Variants in HTR1F observed in about 807,000 individuals in gnomAD.
HTR1F encodes the protein 5-hydroxytryptamine (serotonin) receptor 1F, G protein-coupled.
HTR1F carries 17 observed loss-of-function variants against 24.0 expected under a neutral mutation model. That is an observed-to-expected ratio of 0.71 (90% CI 0.48 to 1.06). HTR1F has a LOEUF of 1.06. HTR1F is among the 50% of genes least tolerant of loss of function. HTR1F has a pLI of 0.00. For synonymous variants in HTR1F, 186 were observed against 156.8 expected (o/e 1.19, Z -1.39); for missense variants, 391 against 427.8 (o/e 0.91, Z 0.76).
chr3:87,845,773 AAAC>A lies in HTR1F; in HGVS notation c.-43+23658_-43+23660del, dbSNP rs1029511039. ...CCACACCAAAGTAAACAAACTGACAAAACAACAACAAAAACTCGCTATTACCAT... is the reference window on the plus strand; with the variant it reads ...CCACACCAAAGTAAACAAACTGACAAAACAACAAAAACTCGCTATTACCAT... On this transcript the variant is annotated intron_variant, in intron 2 of 2. Coordinates refer to ENST00000319595, the MANE Select transcript of HTR1F (RefSeq NM_001322209.2). Among the ~76,000 whole-genome samples the A allele has an allele frequency of 7.2e-5, 11 of 151,986 alleles. 1 individual carries two copies. The highest frequency in any genetic ancestry group is 1.2e-4 in the Non-Finnish European group (8 of 68,028).
intron 2 of HTR1F, among the ~76,000 whole-genome samples, chr3:87,959,349 A>G (rs1442367646): frequency 2.0e-5 from 3 of 151,832 alleles, no homozygotes; most frequent in South Asian, 2.1e-4. Context: ...ATAATATCCA[A>G]ATTCTCCCTT....
At chr3:87,834,328 C>T (rs866572082) in intron 2 of HTR1F, among the ~76,000 whole-genome samples, 21 of 151,730 alleles carry the variant, frequency 1.4e-4, no homozygotes, top group African/African-American at 5.1e-4. Context: ...TATATATGCG[C>T]ACAAATACTC....
At chr3:87,952,785 C>A (rs1200184356) in intron 2 of HTR1F, among the ~76,000 whole-genome samples, 2 of 151,804 alleles carry the variant, frequency 1.3e-5, no homozygotes, top group Non-Finnish European at 2.9e-5. Flanking sequence ...TGGTCACCCA[C>A]CACATCCCTT....
chr3:87,993,598 C>T lies in HTR1F; in HGVS notation c.*1748C>T, dbSNP rs1041009429. On this transcript the variant is annotated 3_prime_UTR_variant, in exon 3 of 3. Transcript: ENST00000319595. ...AAGAGCACACTCCAGGTTGTGACAA[C>T]ATCAGGATACAAACTGCACCATGCA... 1.8e-5 allele frequency: 3 copies of T among 166,916 alleles called. No individual in the cohort carries two copies. The highest frequency in any genetic ancestry group is 7.2e-5 in the African/African-American group (3 of 41,402). 10.3% of individuals were successfully genotyped at this position (166,916 alleles called of 1,614,324 possible).
chr3:87,846,401 C>A (rs1704945165), intron 2 of HTR1F, among the ~76,000 whole-genome samples: 2 of 151,664 alleles, frequency 1.3e-5, no homozygotes, highest in African/African-American at 2.4e-5. Flanking sequence ...TGTGCCACTG[C>A]ACTCCACCCT....
At chr3:87,863,240 G>A (rs1356824666) in intron 2 of HTR1F, among the ~76,000 whole-genome samples, 1 of 152,178 alleles carries the variant, frequency 6.6e-6, no homozygotes, top group Non-Finnish European at 1.5e-5. Flanking sequence ...GGGGGGTTTT[G>A]TTGGTTTGTT....
intron 2 of HTR1F, among the ~76,000 whole-genome samples, chr3:87,828,107 G>T (rs1704502174): frequency 6.6e-6 from 1 of 152,138 alleles, no homozygotes; most frequent in Non-Finnish European, 1.5e-5. Flanking sequence ...TCTGTGATGT[G>T]TTTATATTAT....
chr3:87,843,785 T>A (rs1348116134), intron 2 of HTR1F, among the ~76,000 whole-genome samples: 1 of 151,416 alleles, frequency 6.6e-6, no homozygotes, highest in Non-Finnish European at 1.5e-5. Flanking sequence ...GTGTTTGGTT[T>A]TCTGTTCTTG....
chr3:87,904,892 C>T (rs1703626555), intron 2 of HTR1F, among the ~76,000 whole-genome samples: 1 of 152,046 alleles, frequency 6.6e-6, no homozygotes, highest in Non-Finnish European at 1.5e-5. Flanking sequence ...ATTTTGACTG[C>T]TCATAGTGTC....
chr3:87,932,791 C>T lies in HTR1F; in HGVS notation c.-42-57917C>T, dbSNP rs1367890260. The stretch of plus-strand genomic sequence containing the variant: ...CCAGAGGTACAAGGAGGAGATGGTA[C>T]CATTCCTTCTAAAGCTATTCCAATC... On this transcript the variant is annotated intron_variant, in intron 2 of 2. Coordinates refer to ENST00000319595, the MANE Select transcript of HTR1F (RefSeq NM_001322209.2). 2.6e-5 allele frequency among the ~76,000 whole-genome samples: 4 copies of T among 151,986 alleles called. No homozygotes were observed. In the East Asian group the frequency reaches 7.7e-4, roughly 29 times the overall value.
In HTR1F at chr3:87,845,035, T is replaced by C. The variant is rs181953898; in HGVS notation, c.-43+22911T>C. On this transcript the variant is annotated intron_variant, in intron 2 of 2. Transcript: ENST00000319595. ...AGGCCTTTGACAAAATTCAACAACC[T>C]TTCATGCTAAAAACTCTCAATAAAT... Among the ~76,000 whole-genome samples the C allele has an allele frequency of 1.7e-3, 260 of 151,870 alleles. 6 individuals carry two copies. The highest frequency in any genetic ancestry group is 5.2e-3 in the East Asian group (27 of 5,158).
At chr3:87,928,881 C>T (rs1467876352) in intron 2 of HTR1F, among the ~76,000 whole-genome samples, 1 of 152,054 alleles carries the variant, frequency 6.6e-6, no homozygotes, top group Non-Finnish European at 1.5e-5. Context: ...AATCCAGGTA[C>T]CAAGAAAGCC....
chr3:87,890,577 G>C (rs1706057705), intron 2 of HTR1F, among the ~76,000 whole-genome samples: 1 of 144,652 alleles, frequency 6.9e-6, no homozygotes, highest in African/African-American at 2.6e-5. Context: ...GCTAGATTTA[G>C]AATAGAGTAT....
intron 2 of HTR1F, among the ~76,000 whole-genome samples, chr3:87,904,284 A>T (rs1312886456): frequency 6.6e-6 from 1 of 152,162 alleles, no homozygotes; most frequent in Non-Finnish European, 1.5e-5. Context: ...GAGTGTAAAA[A>T]GGTTTAAATT....
intron 1 of HTR1F, among the ~76,000 whole-genome samples, chr3:87,796,812 G>T (rs1703913686): frequency 6.6e-6 from 1 of 152,196 alleles, no homozygotes; most frequent in South Asian, 2.1e-4. Flanking sequence ...ATTGAGCATA[G>T]ATTGGTGACC....
chr3:87,886,944 A>G (rs1169089956), intron 2 of HTR1F, among the ~76,000 whole-genome samples: 1 of 152,188 alleles, frequency 6.6e-6, no homozygotes, highest in Non-Finnish European at 1.5e-5. Flanking sequence ...CAAGCTACCA[A>G]TGACTTTCTT....
chr3:87,941,393 T>G (rs1048876095), intron 2 of HTR1F, among the ~76,000 whole-genome samples: 9 of 152,204 alleles, frequency 5.9e-5, no homozygotes, highest in Non-Finnish European at 1.0e-4. Flanking sequence ...TGGGTAATTT[T>G]GGCCCTAAGT....
At chr3:87,803,653 C>T (rs768751005) in intron 1 of HTR1F, among the ~76,000 whole-genome samples, 1 of 150,700 alleles carries the variant, frequency 6.6e-6, no homozygotes, top group Non-Finnish European at 1.5e-5. Flanking sequence ...TAGGGAAGTG[C>T]TTTCTCAGTG....
chr3:87,819,078 A>T (rs189257155), intron 1 of HTR1F, among the ~76,000 whole-genome samples: 282 of 152,338 alleles, frequency 1.9e-3, no homozygotes, highest in Non-Finnish European at 2.8e-3. Context: ...TTTCACTGTG[A>T]AACACAGTTC....
Sources: gnomAD v4.1 joint callset for allele counts (sites outside exome capture counted in the v4.1 genomes callset) on GRCh38, gnomAD v4.1.1 for gene constraint, MANE v1.5 for transcripts, NCBI Gene and HGNC (gene_info 2026-07-23, HGNC 2026-07-21) for gene names.